SMAP1: variants seen among roughly 807,000 people sequenced by gnomAD.
SMAP1 encodes the protein small ArfGAP 1, also known as stromal membrane-associated protein 1.
Under a neutral mutation model 58.5 loss-of-function variants are expected in SMAP1, and 24 were observed. That is an observed-to-expected ratio of 0.41 (90% CI 0.30 to 0.58). The LOEUF (loss-of-function observed/expected upper bound fraction) is 0.58, where lower values mean the gene tolerates loss of function less well. Among genes scored for constraint, SMAP1 ranks in the 20% least tolerant of loss-of-function variants. The pLI is 0.29. For missense variants in SMAP1, 563 were observed against 566.3 expected (o/e 0.99, Z 0.06); for synonymous variants, 216 against 196.6 (o/e 1.10, Z -0.82).
At chr6:70,756,389 T>A (rs1766491794) in intron 3 of SMAP1, among the ~76,000 whole-genome samples, 1 of 152,132 alleles carries the variant, frequency 6.6e-6, no homozygotes, top group African/African-American at 2.4e-5. Context: ...GTTAGTAATT[T>A]GTATTTGGCG....
intron 1 of SMAP1, among the ~76,000 whole-genome samples, chr6:70,688,069 C>T (rs1253836178): frequency 1.3e-5 from 2 of 151,396 alleles, no homozygotes; most frequent in Non-Finnish European, 2.9e-5. Flanking sequence ...AATATGTAAC[C>T]TTCTGGGATC....
intron 5 of SMAP1, 39 bp downstream of exon 5, chr6:70,791,808 A>G (rs1340400032): frequency 6.5e-7 from 1 of 1,542,632 alleles, no homozygotes; most frequent in Non-Finnish European, 8.9e-7. Context: ...ATGTAGTGTT[A>G]AATGGTAAAT....
intron 9 of SMAP1, 60 bp downstream of exon 9, chr6:70,857,090 TATA>T (rs1383411588): frequency 6.9e-7 from 1 of 1,442,096 alleles, no homozygotes; most frequent in Non-Finnish European, 9.3e-7. Context: ...TTTGTAATTA[TATA>T]ATAAGATCAA....
chr6:70,721,340 A>G (rs745930035), intron 1 of SMAP1, among the ~76,000 whole-genome samples: 2 of 152,194 alleles, frequency 1.3e-5, no homozygotes, highest in Non-Finnish European at 2.9e-5. Flanking sequence ...AATGCTGCCA[A>G]TCTCTATGCT....
At chr6:70,684,631 C>T (rs1203539195) in intron 1 of SMAP1, among the ~76,000 whole-genome samples, 1 of 152,110 alleles carries the variant, frequency 6.6e-6, no homozygotes, top group Non-Finnish European at 1.5e-5. Flanking sequence ...GGAGTGAATG[C>T]TGTATGTGTA....
At chr6:70,767,422 T>C (rs1207932475) in intron 3 of SMAP1, among the ~76,000 whole-genome samples, 3 of 152,188 alleles carry the variant, frequency 2.0e-5, no homozygotes, top group Non-Finnish European at 4.4e-5. Flanking sequence ...TTTTATTTCA[T>C]TGAGCAGTGG....
intron 4 of SMAP1, among the ~76,000 whole-genome samples, chr6:70,774,289 T>A (rs915025903): frequency 2.0e-5 from 3 of 152,224 alleles, no homozygotes; most frequent in Non-Finnish European, 4.4e-5. Context: ...TTTAGTTTTT[T>A]AAAAATTTTC....
At chr6:70,789,048 T>C (rs1355456245) in intron 4 of SMAP1, among the ~76,000 whole-genome samples, 2 of 152,168 alleles carry the variant, frequency 1.3e-5, no homozygotes, top group Non-Finnish European at 2.9e-5. Flanking sequence ...TTCACTGCCC[T>C]TTTTTCTTCC....
chr6:70,747,593 A>T (rs570071267), intron 2 of SMAP1, among the ~76,000 whole-genome samples: 1 of 152,332 alleles, frequency 6.6e-6, no homozygotes, highest in South Asian at 2.1e-4. Context: ...CAAAGAATAT[A>T]TTGAGGAGTC....
At chr6:70,859,322 C>T (rs778705927) in intron 10 of SMAP1, 3 of 1,545,242 alleles carry the variant, frequency 1.9e-6, no homozygotes, top group South Asian at 1.2e-5. Flanking sequence ...CTGGCTCTTA[C>T]TTCCAGATAA....
intron 1 of SMAP1, among the ~76,000 whole-genome samples, chr6:70,710,578 G>A (rs1768014983): frequency 6.6e-6 from 1 of 151,514 alleles, no homozygotes; most frequent in Admixed American, 6.6e-5. Flanking sequence ...ATTGGCAGTT[G>A]CTCTGGGTAA....
chr6:70,759,885 G>T (rs1419038974), intron 3 of SMAP1: 3 of 448,754 alleles, frequency 6.7e-6, no homozygotes, highest in Non-Finnish European at 1.3e-5. Context: ...ATAAGTGTTT[G>T]CCCTATGCCA....
At chr6:70,855,327 T>G (rs776130186) in intron 8 of SMAP1, among the ~76,000 whole-genome samples, 5 of 152,158 alleles carry the variant, frequency 3.3e-5, no homozygotes, top group Admixed American at 6.5e-5. Context: ...CTAGTCCTGC[T>G]GATTGGTTTG....
intron 6 of SMAP1, among the ~76,000 whole-genome samples, chr6:70,802,534 C>T (rs951353389): frequency 3.3e-5 from 5 of 152,112 alleles, no homozygotes. Flanking sequence ...GCCAGAACTT[C>T]CAACACTGTT....
intron 6 of SMAP1, among the ~76,000 whole-genome samples, chr6:70,817,190 G>A (rs1014939552): frequency 1.3e-5 from 2 of 150,414 alleles, no homozygotes; most frequent in Admixed American, 6.6e-5. Flanking sequence ...TGCTCAAGCC[G>A]CACATTATTA....
At chr6:70,672,048 A>G (rs1049826819) in intron 1 of SMAP1, among the ~76,000 whole-genome samples, 3 of 152,196 alleles carry the variant, frequency 2.0e-5, no homozygotes, top group African/African-American at 7.2e-5. Context: ...TGCTGAGATC[A>G]AACACTCGTT....
chr6:70,706,158 A>G (rs1767828893), intron 1 of SMAP1, among the ~76,000 whole-genome samples: 1 of 152,232 alleles, frequency 6.6e-6, no homozygotes, highest in Non-Finnish European at 1.5e-5. Context: ...TGGCCTCATG[A>G]TATGTCAAGG....
intron 6 of SMAP1, among the ~76,000 whole-genome samples, chr6:70,827,461 G>A (rs1770182986): frequency 6.6e-6 from 1 of 152,178 alleles, no homozygotes; most frequent in Non-Finnish European, 1.5e-5. Flanking sequence ...GAGAAGGTCA[G>A]CTCCACAAAT....
intron 7 of SMAP1, among the ~76,000 whole-genome samples, chr6:70,844,347 A>C (rs1183303276): frequency 6.6e-6 from 1 of 152,136 alleles, no homozygotes; most frequent in South Asian, 2.1e-4. Context: ...ACATGTGTGC[A>C]TGTGTGTGTG....
Sources: gnomAD v4.1 joint callset for allele counts (sites outside exome capture counted in the v4.1 genomes callset) on GRCh38, gnomAD v4.1.1 for gene constraint, MANE v1.5 for transcripts, NCBI Gene and HGNC (gene_info 2026-07-23, HGNC 2026-07-21) for gene names.